SNX7: variants seen among roughly 807,000 people sequenced by gnomAD.
The protein encoded by SNX7 is sorting nexin-7.
In SNX7, 35 loss-of-function variants were observed where a neutral mutation model predicts 48.4. That is an observed-to-expected ratio of 0.72 (90% CI 0.55 to 0.96). The LOEUF is 0.96. SNX7 is among the 40% of genes least tolerant of loss of function. SNX7 has a pLI of 0.00. For missense variants in SNX7, 553 were observed against 548.9 expected, an observed-to-expected ratio of 1.01 and a Z score of -0.07; for synonymous variants, 190 against 190.2, an observed-to-expected ratio of 1.00 and a Z score of 0.01.
At chr1:98,731,800 G>C (rs1326888083) in intron 7 of SNX7, among the ~76,000 whole-genome samples, 2 of 152,106 alleles carry the variant, frequency 1.3e-5, no homozygotes, top group African/African-American at 4.8e-5. Context: ...TGGAATCACT[G>C]TCATATATGC....
At chr1:98,719,936 ATT>A (rs1417439397) in intron 7 of SNX7, among the ~76,000 whole-genome samples, 1 of 149,876 alleles carries the variant, frequency 6.7e-6, no homozygotes, top group Non-Finnish European at 1.5e-5. Flanking sequence ...TATTATATAT[ATT>A]ATTCAACTGT....
intron 1 of SNX7, among the ~76,000 whole-genome samples, chr1:98,665,052 T>C (rs1267404693): frequency 6.6e-6 from 1 of 152,208 alleles, no homozygotes; most frequent in African/African-American, 2.4e-5. Context: ...ATAAATTGCC[T>C]TTATTTTTAT....
intron 1 of SNX7, among the ~76,000 whole-genome samples, chr1:98,674,669 C>T (rs141719964): frequency 1.0e-3 from 152 of 152,262 alleles, no homozygotes; most frequent in African/African-American, 3.3e-3. Context: ...TTATAATAAA[C>T]CCCGAGTAAC....
intron 7 of SNX7, among the ~76,000 whole-genome samples, chr1:98,734,104 T>TGTTGTG (rs1653655737): frequency 6.6e-6 from 1 of 152,162 alleles, no homozygotes; most frequent in African/African-American, 2.4e-5. Flanking sequence ...CAGCATACTA[T>TGTTGTG]TTCTGTGGTT....
At chr1:98,694,088 C>T (rs978685825) in intron 4 of SNX7, among the ~76,000 whole-genome samples, 5 of 152,196 alleles carry the variant, frequency 3.3e-5, no homozygotes, top group Non-Finnish European at 7.3e-5. Flanking sequence ...CAAGTTTTCT[C>T]AGCTGGGCGC....
intron 8 of SNX7, among the ~76,000 whole-genome samples, chr1:98,743,798 C>T (rs948502718): frequency 2.0e-5 from 3 of 152,016 alleles, no homozygotes; most frequent in African/African-American, 7.2e-5. Context: ...CTTAATACTA[C>T]ACTACATACT....
intron 1 of SNX7, among the ~76,000 whole-genome samples, chr1:98,677,893 A>C (rs1345936355): frequency 6.6e-6 from 1 of 151,404 alleles, no homozygotes; most frequent in African/African-American, 2.4e-5. Context: ...AAAAAAAAAA[A>C]AGAAATAGAG....
chr1:98,699,213 CT>C lies in SNX7; in HGVS notation c.1038+311del, dbSNP rs749686760. 3.9e-4 allele frequency among the ~76,000 whole-genome samples: 60 copies of C among 152,228 alleles called. 1 individual carries two copies. The highest frequency in any genetic ancestry group is 5.9e-4 in the Admixed American group (9 of 15,284). The stretch of plus-strand genomic sequence containing the variant: ...TTTTTCCAAACCTTGTGAAATTTTA[CT>C]TTAAAATTTTTTAGTGCTTTGGGGA... On this transcript the variant is annotated intron_variant, in intron 6 of 8. Coordinates refer to ENST00000306121, the MANE Select transcript of SNX7 (RefSeq NM_015976.5).
intron 1 of SNX7, among the ~76,000 whole-genome samples, chr1:98,678,517 A>G (rs143207141): frequency 3.3e-5 from 5 of 152,334 alleles, no homozygotes; most frequent in African/African-American, 1.2e-4. Flanking sequence ...AATCTTCTCT[A>G]AAAGGAACCA....
At chr1:98,733,630 C>G (rs188019053) in intron 7 of SNX7, among the ~76,000 whole-genome samples, 42 of 152,204 alleles carry the variant, frequency 2.8e-4, no homozygotes, top group African/African-American at 1.0e-3. Context: ...GCATGAATGC[C>G]TTTCAAGTTT....
At chr1:98,691,893 C>A (rs1185990997) in intron 4 of SNX7, among the ~76,000 whole-genome samples, 194 bp downstream of exon 4, 3 of 144,694 alleles carry the variant, frequency 2.1e-5, no homozygotes, top group Non-Finnish European at 4.5e-5. Context: ...TTACAGAAAT[C>A]TTGTATCTTC....
chr1:98,691,791 G>A (rs1341784539), intron 4 of SNX7, 92 bp downstream of exon 4: 9 of 1,074,432 alleles, frequency 8.4e-6, no homozygotes, highest in African/African-American at 6.6e-5. Flanking sequence ...TACAAATCAT[G>A]CAGTGGTGTA....
chr1:98,663,278 T>C (rs1557781087), intron 1 of SNX7, among the ~76,000 whole-genome samples: 1 of 109,866 alleles, frequency 9.1e-6, no homozygotes, highest in Non-Finnish European at 2.0e-5. Flanking sequence ...TTTTTTTTTT[T>C]TTTTTTTTTT....
intron 7 of SNX7, among the ~76,000 whole-genome samples, chr1:98,706,016 G>C (rs1026483817): frequency 2.0e-5 from 3 of 152,098 alleles, no homozygotes; most frequent in South Asian, 2.1e-4. Context: ...AAAAAGTGAA[G>C]AAGAAATCTG....
chr1:98,680,659 A>G (rs1650439057), intron 1 of SNX7, among the ~76,000 whole-genome samples: 1 of 152,184 alleles, frequency 6.6e-6, no homozygotes, highest in Admixed American at 6.5e-5. Context: ...TCTCAAGTTT[A>G]AAGTTCCACA....
intron 8 of SNX7, among the ~76,000 whole-genome samples, chr1:98,750,449 T>C (rs539948864): frequency 6.6e-6 from 1 of 152,230 alleles, no homozygotes; most frequent in Admixed American, 6.6e-5. Context: ...TGTTAAAATA[T>C]AAATGTACAT....
chr1:98,664,819 C>A (rs138110008), intron 1 of SNX7, among the ~76,000 whole-genome samples: 2 of 151,816 alleles, frequency 1.3e-5, no homozygotes, highest in East Asian at 3.9e-4. Context: ...TTTAAAAGAA[C>A]GGGGATAGAT....
At chr1:98,687,301 A>G (rs183999791) in intron 2 of SNX7, among the ~76,000 whole-genome samples, 55 of 152,228 alleles carry the variant, frequency 3.6e-4, no homozygotes, top group Admixed American at 3.1e-3. Context: ...TTTTTCTATT[A>G]TATTTTTGTG....
intron 7 of SNX7, among the ~76,000 whole-genome samples, chr1:98,706,719 G>C (rs1211843423): frequency 1.3e-5 from 2 of 152,048 alleles, no homozygotes; most frequent in East Asian, 3.9e-4. Flanking sequence ...TGATGTTAAG[G>C]GGTCAGAAGC....
Sources: allele counts gnomAD v4.1 joint callset (sites outside exome capture counted in the v4.1 genomes callset), GRCh38; gene constraint gnomAD v4.1.1; transcripts MANE v1.5; gene names NCBI Gene and HGNC (gene_info 2026-07-23, HGNC 2026-07-21).